GRIA3: variants seen among roughly 807,000 people sequenced by gnomAD.
The protein encoded by GRIA3 is glutamate ionotropic receptor AMPA type subunit 3.
In GRIA3, 3 loss-of-function variants were observed where a neutral mutation model predicts 63.0. That is an observed-to-expected ratio of 0.05 (90% confidence interval 0.02 to 0.12). The LOEUF is 0.12. Among genes scored for constraint, GRIA3 ranks in the 10% least tolerant of loss-of-function variants. The probability of loss-of-function intolerance (pLI) is 1.00; values close to 1 mark genes in which losing one functional copy is unlikely to be tolerated. For missense variants in GRIA3, 347 were observed against 700.9 expected (o/e 0.50, Z 5.70); for synonymous variants, 274 against 257.9 (o/e 1.06, Z -0.60).
chrX:123,189,427 C>A (rs1016088436), intron 2 of GRIA3, among the ~76,000 whole-genome samples: 3 of 112,358 alleles, frequency 2.7e-5, no homozygotes, highest in African/African-American at 9.7e-5. Context: ...GCTTTGCTGT[C>A]CTGGTTCCTC....
chrX:123,354,042 C>T (rs2045116239), intron 4 of GRIA3, among the ~76,000 whole-genome samples: 1 of 111,978 alleles, frequency 8.9e-6, no homozygotes, highest in Non-Finnish European at 1.9e-5. Flanking sequence ...GTACAAAGTA[C>T]ATTTTTATTA....
chrX:123,344,784 AC>A (rs2045032943), intron 4 of GRIA3, among the ~76,000 whole-genome samples: 1 of 111,431 alleles, frequency 9.0e-6, no homozygotes, highest in South Asian at 3.8e-4. Flanking sequence ...CTAAGGGACC[AC>A]CTCATAGACT....
At chrX:123,315,730 A>ATATC (rs749656268) in intron 3 of GRIA3, among the ~76,000 whole-genome samples, 1 of 112,077 alleles carries the variant, frequency 8.9e-6, no homozygotes, top group Non-Finnish European at 1.9e-5. Flanking sequence ...TTCACACTCC[A>ATATC]TATCTAGCTT....
chrX:123,487,077 G>A (rs1039840792), intron 15 of GRIA3, among the ~76,000 whole-genome samples: 2 of 112,072 alleles, frequency 1.8e-5, no homozygotes, highest in Non-Finnish European at 3.8e-5. Context: ...GCTCCCACTA[G>A]GGAGCAGAAA....
At chrX:123,472,107 G>A (rs1438991931) in intron 13 of GRIA3, among the ~76,000 whole-genome samples, 1 of 95,734 alleles carries the variant, frequency 1.0e-5, no homozygotes, top group African/African-American at 3.8e-5. Flanking sequence ...ATAGAGGGTG[G>A]TATATGCCCT....
intron 2 of GRIA3, among the ~76,000 whole-genome samples, chrX:123,232,297 C>T (rs890505940): frequency 2.7e-5 from 3 of 111,285 alleles, no homozygotes; most frequent in African/African-American, 9.8e-5. Context: ...AGTCCTGCAT[C>T]CCAAATGAAA....
intron 12 of GRIA3, among the ~76,000 whole-genome samples, chrX:123,459,751 C>A (rs183369771): frequency 4.5e-4 from 49 of 109,660 alleles, no homozygotes; most frequent in African/African-American, 1.5e-3. Flanking sequence ...TAACTTCTCC[C>A]AGATGACAGA....
chrX:123,474,413 G>A (rs1279908088), intron 13 of GRIA3, among the ~76,000 whole-genome samples: 1 of 111,987 alleles, frequency 8.9e-6, no homozygotes, highest in African/African-American at 3.3e-5. Context: ...GCTGGGCGTG[G>A]TGGCTCACAC....
At chrX:123,241,810 G>A (rs1359086041) in intron 2 of GRIA3, among the ~76,000 whole-genome samples, 5 of 111,160 alleles carry the variant, frequency 4.5e-5, no homozygotes, top group Non-Finnish European at 7.5e-5. Flanking sequence ...ATTTGAAGAT[G>A]AAGTAGATTG....
At chrX:123,391,901 G>T (rs1246006605) in intron 5 of GRIA3, among the ~76,000 whole-genome samples, 1 of 112,154 alleles carries the variant, frequency 8.9e-6, no homozygotes, top group East Asian at 2.8e-4. Flanking sequence ...TTCCCAGGAG[G>T]AGTGCTAAGT....
At chrX:123,318,091 G>C in intron 3 of GRIA3, among the ~76,000 whole-genome samples, 1 of 112,642 alleles carries the variant, frequency 8.9e-6, no homozygotes, top group Non-Finnish European at 1.9e-5. Context: ...TGAGCTCTAC[G>C]TTGGCCCCTT....
intron 5 of GRIA3, among the ~76,000 whole-genome samples, chrX:123,362,957 C>A (rs1024302321): frequency 2.7e-5 from 3 of 112,618 alleles, no homozygotes; most frequent in Non-Finnish European, 3.8e-5. Flanking sequence ...ATATAAGCAA[C>A]TTGTAATCAA....
At chrX:123,210,184 T>C (rs1477367099) in intron 2 of GRIA3, among the ~76,000 whole-genome samples, 1 of 107,628 alleles carries the variant, frequency 9.3e-6, no homozygotes, top group African/African-American at 3.4e-5. Context: ...CCTTTTTTTT[T>C]TTTTTTGCCA....
At chrX:123,419,341 G>A (rs1255807211) in intron 11 of GRIA3, among the ~76,000 whole-genome samples, 3 of 109,356 alleles carry the variant, frequency 2.7e-5, no homozygotes, top group Non-Finnish European at 3.8e-5. Flanking sequence ...CCTGGGAGGC[G>A]GAGATTGCAG....
chrX:123,482,801 C>T lies in GRIA3; in HGVS notation c.2442C>T (p.Asp814=). ...ATCACGTTGTTCATTTCTCTTAGGACAAGACCAGCGCTCTGAGCCTGAGCA... is the reference window on the plus strand; with the variant it reads ...ATCACGTTGTTCATTTCTCTTAGGATAAGACCAGCGCTCTGAGCCTGAGCA... ...ECGAKDSGSK[D]KTSALSLSNV... Residue 814 remains aspartate (D), a splice_region_variant and synonymous_variant, in exon 15 of 16, where the codon GAC becomes GAT. Transcript: ENST00000620443. 8.3e-7 allele frequency: 1 copy of T among 1,210,885 alleles called. No homozygotes were observed. Among genetic ancestry groups the T allele is most frequent in the Non-Finnish European group, 1.1e-6 (1 of 894,536 alleles).
intron 5 of GRIA3, among the ~76,000 whole-genome samples, chrX:123,361,760 C>G (rs767006587): frequency 9.0e-6 from 1 of 111,204 alleles, no homozygotes; most frequent in Non-Finnish European, 1.9e-5. Context: ...AATGTTATAG[C>G]AAGATGAATT....
chrX:123,366,456 G>A (rs939780382), intron 5 of GRIA3, among the ~76,000 whole-genome samples: 1 of 111,683 alleles, frequency 9.0e-6, no homozygotes, highest in African/African-American at 3.3e-5. Flanking sequence ...GGGGTAGAGA[G>A]GAGCTCAGTC....
At position 123,326,055 on chromosome X, in the gene GRIA3, G is replaced by A. The variant is rs771113274; in HGVS notation, c.538G>A (p.Ala180Thr). Residue 180 changes from alanine (A) to threonine (T), a missense_variant, in exon 4 of 16, where the codon GCA (alanine) becomes ACA (threonine). Coordinates refer to ENST00000620443, the MANE Select transcript of GRIA3 (RefSeq NM_007325.5). ...GFSILQAIME[A>T]AVQNNWQVTA... Reference sequence around the variant, plus strand: ...TTCCATCCTCCAAGCGATTATGGAAGCAGCAGTGCAAAACAACTGGCAAGT... The same window carrying A: ...TTCCATCCTCCAAGCGATTATGGAAACAGCAGTGCAAAACAACTGGCAAGT... The A allele has an allele frequency of 4.1e-6, 5 of 1,206,542 alleles. No individual in the cohort carries two copies. Among genetic ancestry groups the A allele is most frequent in the Non-Finnish European group, 5.6e-6 (5 of 892,318 alleles).
Position 123,185,883 on chromosome X carries a change from C to T in GRIA3, c.161C>T (p.Ala54Val). The change falls in exon 2 of 16, where the codon GCC becomes GTC. Residue 54 changes from alanine (A) to valine (V), a missense_variant. By Grantham distance (64) the Ala-to-Val change is moderately conservative. Coordinates refer to ENST00000620443, the MANE Select transcript of GRIA3 (RefSeq NM_007325.5). ...CAGGAGCACAGCGCTTTCCGCTTTG[C>T]CGTGCAGTTATACAACACCAACCAG... ...TVQEHSAFRF[A>V]VQLYNTNQNT... 1 of 1,207,282 alleles carries T rather than the reference C, an allele frequency of 8.3e-7. No individual in the cohort carries two copies. Among genetic ancestry groups the T allele is most frequent in the Non-Finnish European group, 1.1e-6 (1 of 891,561 alleles).
Sources: allele counts gnomAD v4.1 joint callset (sites outside exome capture counted in the v4.1 genomes callset), GRCh38; gene constraint gnomAD v4.1.1; transcripts MANE v1.5; gene names NCBI Gene and HGNC (gene_info 2026-07-23, HGNC 2026-07-21).